The following NPAS3 variants were observed in gnomAD, a reference collection of about 807,000 sequenced individuals.
NPAS3 encodes neuronal PAS domain-containing protein 3.
NPAS3 carries 14 observed loss-of-function variants against 73.1 expected under a neutral mutation model. The observed-to-expected ratio is 0.19, with a 90% CI of 0.13 to 0.30. The LOEUF (loss-of-function observed/expected upper bound fraction) is 0.30, where lower values mean the gene tolerates loss of function less well. Among genes scored for constraint, NPAS3 ranks in the 10% least tolerant of loss-of-function variants. The probability of loss-of-function intolerance (pLI) is 1.00; values close to 1 mark genes in which losing one functional copy is unlikely to be tolerated. For missense variants in NPAS3, 1,096 were observed against 1,250.0 expected, an observed-to-expected ratio of 0.88 and a Z score of 1.86; for synonymous variants, 620 against 541.5, an observed-to-expected ratio of 1.14 and a Z score of -2.01.
chr14:33,275,511 G>T (rs996913106), intron 3 of NPAS3, among the ~76,000 whole-genome samples: 3 of 152,164 alleles, frequency 2.0e-5, no homozygotes, highest in Non-Finnish European at 4.4e-5. Context: ...TGTAGAGAGG[G>T]AATAGTGCAA....
chr14:33,562,803 C>G (rs933739733), intron 5 of NPAS3, among the ~76,000 whole-genome samples: 27 of 151,932 alleles, frequency 1.8e-4, no homozygotes, highest in African/African-American at 6.3e-4. Context: ...CAACTCTTTC[C>G]AAGTTTCATC....
chr14:33,216,781 A>C (rs940307990), intron 3 of NPAS3, among the ~76,000 whole-genome samples: 1 of 152,196 alleles, frequency 6.6e-6, no homozygotes, highest in African/African-American at 2.4e-5. Flanking sequence ...ACTGCTCTAG[A>C]GTGTAAGAAT....
chr14:33,123,244 A>G (rs1279316), intron 2 of NPAS3, among the ~76,000 whole-genome samples: 62,187 of 151,710 alleles, frequency 0.41, 13,738 homozygotes, highest in Middle Eastern at 0.57. Context: ...CACGGGAGAC[A>G]TTTGGGGTGT....
intron 3 of NPAS3, among the ~76,000 whole-genome samples, chr14:33,236,165 C>A (rs1360651024): frequency 7.3e-5 from 11 of 151,580 alleles, no homozygotes; most frequent in African/African-American, 2.7e-4. Context: ...CCTGTCACCA[C>A]TGAAAAAAAA....
At chr14:33,653,149 G>A (rs1327858860) in intron 5 of NPAS3, among the ~76,000 whole-genome samples, 1 of 152,158 alleles carries the variant, frequency 6.6e-6, no homozygotes, top group Non-Finnish European at 1.5e-5. Flanking sequence ...ATCTCTTTGG[G>A]AAGCAAGTTG....
chr14:33,226,168 G>C (rs893618784), intron 3 of NPAS3, among the ~76,000 whole-genome samples: 1 of 152,102 alleles, frequency 6.6e-6, no homozygotes, highest in Admixed American at 6.6e-5. Flanking sequence ...CTTTAATATA[G>C]CAAATGATCC....
chr14:32,975,268 T>C (rs535133145), intron 1 of NPAS3, among the ~76,000 whole-genome samples: 4 of 142,280 alleles, frequency 2.8e-5, no homozygotes, highest in South Asian at 2.3e-4. Context: ...TTGTTTTTTT[T>C]CTTTGTCTGC....
chr14:33,361,404 C>T (rs1287879032), intron 3 of NPAS3, among the ~76,000 whole-genome samples: 2 of 152,086 alleles, frequency 1.3e-5, no homozygotes, highest in African/African-American at 4.8e-5. Context: ...TAGTGAACAC[C>T]CCCTTGACTA....
intron 4 of NPAS3, among the ~76,000 whole-genome samples, chr14:33,368,310 TAA>T (rs66579296): frequency 5.1e-4 from 74 of 144,742 alleles, no homozygotes; most frequent in Middle Eastern, 3.6e-3. Context: ...GATTCTGCGT[TAA>T]AAAAAAAAAA....
At chr14:33,780,665 G>A (rs1007374646) in intron 9 of NPAS3, 12 of 454,102 alleles carry the variant, frequency 2.6e-5, no homozygotes, top group African/African-American at 8.0e-5. Flanking sequence ...AACAGTGAGC[G>A]AGGGCAGTTC....
chr14:33,726,161 A>C (rs1367240433), intron 6 of NPAS3, among the ~76,000 whole-genome samples: 24 of 152,186 alleles, frequency 1.6e-4, no homozygotes, highest in Admixed American at 1.6e-3. Flanking sequence ...CCAAAGAGAA[A>C]TGTATCATTT....
At chr14:33,172,400 G>A (rs1344905623) in intron 2 of NPAS3, among the ~76,000 whole-genome samples, 1 of 152,184 alleles carries the variant, frequency 6.6e-6, no homozygotes, top group African/African-American at 2.4e-5. Flanking sequence ...ACATTCAAAA[G>A]CTGTTGACTG....
At chr14:33,041,788 C>A (rs1441164859) in intron 1 of NPAS3, among the ~76,000 whole-genome samples, 1 of 152,068 alleles carries the variant, frequency 6.6e-6, no homozygotes, top group Non-Finnish European at 1.5e-5. Flanking sequence ...GGAAATGTAA[C>A]CATGTTTTGG....
intron 2 of NPAS3, among the ~76,000 whole-genome samples, chr14:33,179,737 T>A (rs1241098373): frequency 6.6e-6 from 1 of 152,126 alleles, no homozygotes; most frequent in Non-Finnish European, 1.5e-5. Flanking sequence ...CATTCCCCAA[T>A]TCAGAACTCT....
intron 4 of NPAS3, among the ~76,000 whole-genome samples, chr14:33,516,485 C>T (rs765672402): frequency 8.5e-5 from 13 of 152,082 alleles, no homozygotes; most frequent in South Asian, 2.1e-4. Context: ...TCCCCTAGTA[C>T]GAGGAAAATA....
intron 2 of NPAS3, among the ~76,000 whole-genome samples, chr14:33,182,330 C>T (rs941557671): frequency 1.8e-4 from 28 of 152,166 alleles, no homozygotes; most frequent in African/African-American, 5.8e-4. Context: ...GAATTTTGAA[C>T]GCTTTTCTCC....
At chr14:33,604,523 G>A (rs949354507) in intron 5 of NPAS3, among the ~76,000 whole-genome samples, 3 of 152,042 alleles carry the variant, frequency 2.0e-5, no homozygotes, top group African/African-American at 7.2e-5. Flanking sequence ...ATTATAGTTG[G>A]ATATTCTGAT....
intron 2 of NPAS3, among the ~76,000 whole-genome samples, chr14:33,197,237 C>G (rs1028352733): frequency 7.4e-6 from 1 of 135,214 alleles, no homozygotes; most frequent in African/African-American, 2.7e-5. Context: ...CTCCAGCAGG[C>G]TGTGTGTGTG....
upstream of NPAS3, among the ~76,000 whole-genome samples, chr14:32,936,830 A>G (rs1156711277): frequency 6.6e-6 from 1 of 151,992 alleles, no homozygotes; most frequent in Non-Finnish European, 1.5e-5. Context: ...ACAGTCTGCC[A>G]CCTCAGCACT....
Sources: gnomAD v4.1 joint callset for allele counts (sites outside exome capture counted in the v4.1 genomes callset) on GRCh38, gnomAD v4.1.1 for gene constraint, MANE v1.5 for transcripts, NCBI Gene and HGNC (gene_info 2026-07-23, HGNC 2026-07-21) for gene names.